PYCR1: variants seen among roughly 807,000 people sequenced by gnomAD.
PYCR1 encodes the protein pyrroline-5-carboxylate reductase 1, mitochondrial.
PYCR1 carries 19 observed loss-of-function variants against 22.9 expected under a neutral mutation model. The ratio of observed to expected loss-of-function variants is 0.83; its 90% confidence interval spans 0.58 to 1.22. PYCR1 has a LOEUF of 1.22. Ranked by LOEUF, PYCR1 falls within the 50% of genes most tolerant of loss-of-function variation. PYCR1 has a pLI of 0.00. For synonymous variants in PYCR1, 175 were observed against 180.5 expected (o/e 0.97, Z 0.24); for missense variants, 429 against 431.3 (o/e 0.99, Z 0.05).
Position 81,933,067 on chromosome 17 carries a change from A to G in PYCR1, c.*147T>C. The stretch of plus-strand genomic sequence containing the variant: ...CAGACCACAGAGATTTCCAGTGGGA[A>G]GTGATGTGGCCCCTCCCTGGCTATG... On this transcript the variant is annotated 3_prime_UTR_variant, in exon 7 of 7. Coordinates refer to ENST00000329875, the MANE Select transcript of PYCR1 (RefSeq NM_006907.4). The G allele has an allele frequency of 1.3e-6, 2 of 1,581,184 alleles. No homozygotes were observed. Among genetic ancestry groups the G allele is most frequent in the Non-Finnish European group, 8.6e-7 (1 of 1,169,306 alleles).
chr17:81,936,721 C>G, intron 1 of PYCR1, 27 bp downstream of exon 1: 1 of 1,588,162 alleles, frequency 6.3e-7, no homozygotes, highest in Non-Finnish European at 8.6e-7. Context: ...CCCACTGGGC[C>G]TCACCGTCCC....
intron 3 of PYCR1, 43 bp downstream of exon 3, chr17:81,935,294 C>G: frequency 1.2e-6 from 2 of 1,607,820 alleles, no homozygotes; most frequent in Non-Finnish European, 1.7e-6. Flanking sequence ...GGCCCGGGCT[C>G]TAGACAGCCC....
rs767636677 is a variant in PYCR1, at chr17:81,934,468, G to A, written c.655C>T (p.His219Tyr). The stretch of plus-strand genomic sequence containing the variant: ...AGCTGGCCTGGGTGCTGTTCTGAGT[G>A]CAGCAGCATCTTGGCAGCCCCCTGC... ...ALLGAAKMLLHSEQHPGQLKD... is the reference protein window; with the variant it reads ...ALLGAAKMLLYSEQHPGQLKD... Residue 219 changes from histidine (H) to tyrosine (Y), a missense_variant, in exon 6 of 7, where the codon CAC becomes TAC. Transcript: ENST00000329875. The A allele has an allele frequency of 6.2e-7, 1 of 1,607,952 alleles. No homozygotes were observed. Among genetic ancestry groups the A allele is most frequent in the Non-Finnish European group, 8.5e-7 (1 of 1,178,244 alleles).
At chr17:81,934,552 A>T in intron 5 of PYCR1, 63 bp from the exon 6 acceptor site, 1 of 1,558,654 alleles carries the variant, frequency 6.4e-7, no homozygotes, top group Middle Eastern at 1.7e-4. Flanking sequence ...GCACTGCCCC[A>T]GCCACTGTAG....
At chr17:81,935,199 C>G (rs975950939) in intron 3 of PYCR1, 52 bp from the exon 4 acceptor site, 1 of 1,568,424 alleles carries the variant, frequency 6.4e-7, no homozygotes, top group African/African-American at 1.3e-5. Context: ...TGCCTAGATG[C>G]ACTCACCCCA....
chr17:81,937,111 G>T lies in PYCR1; in HGVS notation c.-297C>A. 2 of 1,431,632 alleles carry T rather than the reference G, an allele frequency of 1.4e-6. No individual in the cohort carries two copies. The highest frequency in any genetic ancestry group is 9.1e-7 in the Non-Finnish European group (1 of 1,096,158). 88.7% of individuals were successfully genotyped at this position (1,431,632 alleles called of 1,614,324 possible). The stretch of plus-strand genomic sequence containing the variant: ...AATGACTGGGAAGGGGGAAAAGTAC[G>T]GGGAGAGGGAGGGCCCGGCGCCTAG... On this transcript the variant is annotated 5_prime_UTR_variant, in exon 1 of 7. Transcript: ENST00000329875.
At position 81,937,295 on chromosome 17, in the gene PYCR1, A is replaced by ACCCAGGCCCCGCC. The variant is rs2041228875; in HGVS notation, c.-482_-481insGGCGGGGCCTGGG. Reference sequence around the variant, plus strand: ...GCTGCGGCCGCCACGCGGCACCCGCACCCAGGCCCCGCCCCCGTCGCGCCA... The same window carrying ACCCAGGCCCCGCC: ...GCTGCGGCCGCCACGCGGCACCCGCACCCAGGCCCCGCCCCCAGGCCCCGCCCCCGTCGCGCCA... On this transcript the variant is annotated 5_prime_UTR_variant, in exon 1 of 7. Coordinates refer to ENST00000329875, the MANE Select transcript of PYCR1 (RefSeq NM_006907.4). 1 of 1,087,888 alleles carries ACCCAGGCCCCGCC rather than the reference A, an allele frequency of 9.2e-7. No individual in the cohort carries two copies. The highest frequency in any genetic ancestry group is 1.6e-5 in the African/African-American group (1 of 61,060). 67.4% of individuals were successfully genotyped at this position (1,087,888 alleles called of 1,614,324 possible).
chr17:81,936,258 C>G, intron 1 of PYCR1, 65 bp from the exon 2 acceptor site: 3 of 1,503,766 alleles, frequency 2.0e-6, no homozygotes, highest in Non-Finnish European at 2.7e-6. Flanking sequence ...CGGAGTCTCG[C>G]TGTGTTGCCC....
chr17:81,932,633 G>A lies in PYCR1; in HGVS notation c.*581C>T, dbSNP rs1164059004. On this transcript the variant is annotated 3_prime_UTR_variant, in exon 7 of 7. Transcript: ENST00000329875. ...CTCCCAGGGAGGTCAGGAGCAGGAG[G>A]TGGTGGCCACAGAAGTTCACCAGCA... The A allele has an allele frequency of 7.0e-6, 4 of 571,190 alleles. No individual in the cohort carries two copies. In the South Asian group the frequency reaches 7.8e-5, roughly 11 times the overall value. The allele number at this position is 571,190 out of a possible 1,614,324, so 35.4% of individuals were successfully genotyped here.
rs551488404 is a variant in PYCR1, at chr17:81,932,894, G to C, written c.*320C>G. The C allele has an allele frequency of 3.7e-6, 6 of 1,610,124 alleles. No homozygotes were observed. The highest frequency in any genetic ancestry group is 4.2e-6 in the Non-Finnish European group (5 of 1,178,736). ...GACCTTTGCTCTCAGGAAGGAGCCCGTGCCAGCTGATACTGGAGTAGGAGT... is the reference window on the plus strand; with the variant it reads ...GACCTTTGCTCTCAGGAAGGAGCCCCTGCCAGCTGATACTGGAGTAGGAGT... On this transcript the variant is annotated 3_prime_UTR_variant, in exon 7 of 7. Coordinates refer to ENST00000329875, the MANE Select transcript of PYCR1 (RefSeq NM_006907.4).
chr17:81,936,765 T>G lies in PYCR1; in HGVS notation c.50A>C (p.Lys17Thr), dbSNP rs1279036604. 1 of 1,609,978 alleles carries G rather than the reference T, an allele frequency of 6.2e-7. No homozygotes were observed. Among genetic ancestry groups the G allele is most frequent in the South Asian group, 1.1e-5 (1 of 90,306 alleles). Residue 17 changes from lysine (K) to threonine (T), a missense_variant, in exon 1 of 7, where the codon AAG (lysine) becomes ACG (threonine). Coordinates refer to ENST00000329875, the MANE Select transcript of PYCR1 (RefSeq NM_006907.4). ...GAGQLAFALA[K>T]GFTAAGVLAA... ...GGGCCTACCTGCTGCTGTGAAGCCC[T>G]TGGCCAGGGCAAAAGCCAGCTGGCC...
At position 81,936,932 on chromosome 17, in the gene PYCR1, GC is replaced by G; in HGVS notation, c.-119del. On this transcript the variant is annotated 5_prime_UTR_variant, in exon 1 of 7. Coordinates refer to ENST00000329875, the MANE Select transcript of PYCR1 (RefSeq NM_006907.4). The stretch of plus-strand genomic sequence containing the variant: ...TGCCAGCCTGGCCGCTCCTCCCGCA[GC>G]CGGGTGCCCACCTCCCCTGGTCCCA... The G allele has an allele frequency of 6.5e-7, 1 of 1,533,034 alleles. No homozygotes were observed. Among genetic ancestry groups the G allele is most frequent in the Non-Finnish European group, 8.8e-7 (1 of 1,140,050 alleles). The allele number at this position is 1,533,034 out of a possible 1,614,324, so 95.0% of individuals were successfully genotyped here.
In PYCR1 at chr17:81,932,905, T is replaced by C. The variant is rs748005758; in HGVS notation, c.*309A>G. On this transcript the variant is annotated 3_prime_UTR_variant, in exon 7 of 7. Coordinates refer to ENST00000329875, the MANE Select transcript of PYCR1 (RefSeq NM_006907.4). ...TCAGGAAGGAGCCCGTGCCAGCTGATACTGGAGTAGGAGTGGGTGAAGACC... is the reference window on the plus strand; with the variant it reads ...TCAGGAAGGAGCCCGTGCCAGCTGACACTGGAGTAGGAGTGGGTGAAGACC... 6.2e-7 allele frequency: 1 copy of C among 1,611,480 alleles called. No individual in the cohort carries two copies. Among genetic ancestry groups the C allele is most frequent in the Non-Finnish European group, 8.5e-7 (1 of 1,179,328 alleles).
rs1339974700 is a variant in PYCR1 at position 81,933,186 on chromosome 17, TGGCAGGATGGTGGTCA to T, written c.*12_*27del. 1 of 1,613,014 alleles carries T rather than the reference TGGCAGGATGGTGGTCA, an allele frequency of 6.2e-7. No homozygotes were observed. Among genetic ancestry groups the T allele is most frequent in the Non-Finnish European group, 8.5e-7 (1 of 1,179,834 alleles). ...CTAGTGACAAGAGAAGAGAAGGTGG[TGGCAGGATGGTGGTCA>T]GGCAGGACGTGTCAATCCTTGCCCG... On this transcript the variant is annotated 3_prime_UTR_variant, in exon 7 of 7. Transcript: ENST00000329875.
chr17:81,932,710 C>A lies in PYCR1; in HGVS notation c.*504G>T. On this transcript the variant is annotated 3_prime_UTR_variant, in exon 7 of 7. Coordinates refer to ENST00000329875, the MANE Select transcript of PYCR1 (RefSeq NM_006907.4). ...CCATGGGATCTGCGTGCTTGGCAGC[C>A]AAGAGGGGCTGTGGCCCTTCACGCT... 1 of 977,364 alleles carries A rather than the reference C, an allele frequency of 1.0e-6. No homozygotes were observed. The highest frequency in any genetic ancestry group is 1.5e-6 in the Non-Finnish European group (1 of 659,946). 60.5% of individuals were successfully genotyped at this position (977,364 alleles called of 1,614,324 possible).
chr17:81,937,092 T>C lies in PYCR1; in HGVS notation c.-278A>G, dbSNP rs1303265707. 7.0e-7 allele frequency: 1 copy of C among 1,428,296 alleles called. No individual in the cohort carries two copies. The allele number at this position is 1,428,296 out of a possible 1,614,324, so 88.5% of individuals were successfully genotyped here. A position where few individuals can be genotyped will look rare whatever the true frequency, so the allele number is the denominator to read the frequency against. On this transcript the variant is annotated 5_prime_UTR_variant, in exon 1 of 7. Transcript: ENST00000329875. The stretch of plus-strand genomic sequence containing the variant: ...GTGGAGGTTCCGCAGAAGAAATGAC[T>C]GGGAAGGGGGAAAAGTACGGGGAGA...
chr17:81,933,197 TG>T lies in PYCR1; in HGVS notation c.*16del, dbSNP rs542207317. On this transcript the variant is annotated 3_prime_UTR_variant, in exon 7 of 7. Transcript: ENST00000329875. ...AGAAGAGAAGGTGGTGGCAGGATGG[TG>T]GTCAGGCAGGACGTGTCAATCCTTG... 1.4e-5 allele frequency: 22 copies of T among 1,613,300 alleles called. No individual in the cohort carries two copies. The South Asian group carries it at 2.2e-4, about 16-fold the overall frequency.
rs948856695 is a variant in PYCR1, at chr17:81,933,372, G to A, written c.802C>T (p.Leu268=). Residue 268 remains leucine (L), a synonymous_variant, in exon 7 of 7, where the codon CTG becomes TTG. Coordinates refer to ENST00000329875, the MANE Select transcript of PYCR1 (RefSeq NM_006907.4). ...TGCTCCTGGTCAGCCATGGACTGCA[G>A]CTCCCTAGAGAGGCAGGGAGAGGTT... is the stretch of plus-strand genomic sequence containing the variant. ...VEASCIRTRE[L]QSMADQEQVS... 10 of 1,613,604 alleles carry A rather than the reference G, an allele frequency of 6.2e-6. No individual in the cohort carries two copies. In the African/African-American group the frequency reaches 1.3e-4, roughly 22 times the overall value.
chr17:81,932,702 T>C lies in PYCR1; in HGVS notation c.*512A>G. ...CCAAATGTCCATGGGATCTGCGTGCTTGGCAGCCAAGAGGGGCTGTGGCCC... is the reference window on the plus strand; with the variant it reads ...CCAAATGTCCATGGGATCTGCGTGCCTGGCAGCCAAGAGGGGCTGTGGCCC... On this transcript the variant is annotated 3_prime_UTR_variant, in exon 7 of 7. Transcript: ENST00000329875. The C allele has an allele frequency of 1.1e-6, 1 of 907,990 alleles. No individual in the cohort carries two copies. The highest frequency in any genetic ancestry group is 2.3e-5 in the Admixed American group (1 of 42,820). The allele number at this position is 907,990 out of a possible 1,614,324, so 56.2% of individuals were successfully genotyped here.
Sources: allele counts gnomAD v4.1 joint callset, GRCh38; gene constraint gnomAD v4.1.1; transcripts MANE v1.5; gene names NCBI Gene and HGNC (gene_info 2026-07-23, HGNC 2026-07-21).